Variants in RHBDD1 observed in about 807,000 individuals in gnomAD.
RHBDD1 encodes rhomboid-related protein 4.
Under a neutral mutation model 36.3 loss-of-function variants are expected in RHBDD1, and 38 were observed. The observed-to-expected ratio is 1.05, with a 90% CI of 0.81 to 1.37. The LOEUF is 1.37. Ranked by LOEUF, RHBDD1 falls within the 40% of genes most tolerant of loss-of-function variation. The pLI is 0.00. For missense variants in RHBDD1, 393 were observed against 377.6 expected (o/e 1.04, Z -0.34); for synonymous variants, 151 against 136.5 (o/e 1.11, Z -0.74).
the RHBDD1 span, among the ~76,000 whole-genome samples, chr2:226,817,346 C>T: frequency 1.3e-5 from 2 of 152,280 alleles, no homozygotes; most frequent in South Asian, 2.1e-4. Context: ...CAGTCACAGA[C>T]AGTTGATCTG....
At chr2:226,990,438 G>A (rs1338633581) in intron 8 of RHBDD1, among the ~76,000 whole-genome samples, 4 of 152,150 alleles carry the variant, frequency 2.6e-5, no homozygotes, top group African/African-American at 9.7e-5. Context: ...TAATTTAAGG[G>A]AGAGATACTA....
intron 5 of RHBDD1, among the ~76,000 whole-genome samples, chr2:226,902,575 C>T (rs1024649793): frequency 1.1e-4 from 16 of 152,100 alleles, no homozygotes; most frequent in Non-Finnish European, 2.2e-4. Context: ...TTTTATATTC[C>T]TTTTACATTG....
intron 7 of RHBDD1, among the ~76,000 whole-genome samples, chr2:226,909,551 C>T (rs1189000173): frequency 6.6e-6 from 1 of 152,064 alleles, no homozygotes; most frequent in African/African-American, 2.4e-5. Context: ...TACGTTGAAA[C>T]CCTAACCCCT....
Position 226,914,356 on chromosome 2 carries a change from GA to G in RHBDD1, c.856+6del. 2 of 1,612,620 alleles carry G rather than the reference GA, an allele frequency of 1.2e-6. No homozygotes were observed. The highest frequency in any genetic ancestry group is 1.7e-6 in the Non-Finnish European group (2 of 1,179,210). On this transcript the variant is annotated splice_donor_region_variant and intron_variant, in intron 8 of 8. Coordinates refer to ENST00000392062, the MANE Select transcript of RHBDD1 (RefSeq NM_001167608.3). ...AAGCCAGCCTCTGGGACCGAGGTAGGAGTCTTGCGCCCTTCAGTTATTTTAA... is the reference window on the plus strand; with the variant it reads ...AAGCCAGCCTCTGGGACCGAGGTAGGGTCTTGCGCCCTTCAGTTATTTTAA...
At chr2:226,886,005 A>G (rs960042052) in intron 5 of RHBDD1, among the ~76,000 whole-genome samples, 2 of 152,230 alleles carry the variant, frequency 1.3e-5, no homozygotes, top group Non-Finnish European at 2.9e-5. Context: ...ATTTCATCAC[A>G]GTACTCAGAA....
chr2:226,934,533 C>T (rs896169387), intron 8 of RHBDD1, among the ~76,000 whole-genome samples: 2 of 152,012 alleles, frequency 1.3e-5, no homozygotes, highest in African/African-American at 4.8e-5. Context: ...CATAATAGTA[C>T]CTGGCCATAA....
At chr2:226,810,666 G>C in the RHBDD1 span, among the ~76,000 whole-genome samples, 1 of 151,100 alleles carries the variant, frequency 6.6e-6, no homozygotes, top group African/African-American at 2.4e-5. Flanking sequence ...TTTCCAGATT[G>C]AGTAGGCTAA....
At chr2:226,961,704 G>T (rs1952215126) in intron 8 of RHBDD1, among the ~76,000 whole-genome samples, 2 of 152,146 alleles carry the variant, frequency 1.3e-5, no homozygotes, top group South Asian at 4.1e-4. Flanking sequence ...TTTTAGGAAT[G>T]CTCAGTTGTC....
At chr2:226,853,962 C>A (rs1345125705) in intron 3 of RHBDD1, among the ~76,000 whole-genome samples, 1 of 148,178 alleles carries the variant, frequency 6.7e-6, no homozygotes, top group Non-Finnish European at 1.5e-5. Context: ...ACCCGCTAAT[C>A]GATAAGGTGG....
intron 8 of RHBDD1, among the ~76,000 whole-genome samples, chr2:226,968,335 G>T (rs1371180675): frequency 6.6e-6 from 1 of 152,198 alleles, no homozygotes; most frequent in East Asian, 1.9e-4. Flanking sequence ...TCCAAAATCT[G>T]TAGGGCAGGC....
At chr2:226,966,764 C>G (rs1340256432) in intron 8 of RHBDD1, among the ~76,000 whole-genome samples, 3 of 152,084 alleles carry the variant, frequency 2.0e-5, no homozygotes, top group African/African-American at 7.3e-5. Flanking sequence ...CTCCTGGACT[C>G]AAGCAATCCT....
At chr2:226,806,961 C>T in the RHBDD1 span, among the ~76,000 whole-genome samples, 1 of 152,170 alleles carries the variant, frequency 6.6e-6, no homozygotes, top group African/African-American at 2.4e-5. Flanking sequence ...TCGAGTTTAC[C>T]TAAGATTATT....
At chr2:226,889,299 A>T (rs1366284453) in intron 5 of RHBDD1, among the ~76,000 whole-genome samples, 6 of 152,216 alleles carry the variant, frequency 3.9e-5, no homozygotes, top group Non-Finnish European at 1.5e-5. Flanking sequence ...TGTGCTCTGC[A>T]TTATTTCAGG....
intron 8 of RHBDD1, among the ~76,000 whole-genome samples, chr2:226,967,373 T>G (rs1952719254): frequency 6.6e-6 from 1 of 152,130 alleles, no homozygotes; most frequent in African/African-American, 2.4e-5. Context: ...AGTTGAGAAT[T>G]CTTTTTTTCT....
At chr2:226,951,411 T>A (rs1951419503) in intron 8 of RHBDD1, among the ~76,000 whole-genome samples, 1 of 152,250 alleles carries the variant, frequency 6.6e-6, no homozygotes, top group Non-Finnish European at 1.5e-5. Flanking sequence ...TTTGTTCTCA[T>A]ACTCATTCCT....
the RHBDD1 span, among the ~76,000 whole-genome samples, chr2:226,829,420 T>C: frequency 6.6e-6 from 1 of 152,200 alleles, no homozygotes; most frequent in African/African-American, 2.4e-5. Context: ...TGCTGAAATT[T>C]TGAGGGATTG....
intron 7 of RHBDD1, among the ~76,000 whole-genome samples, chr2:226,911,570 G>C (rs550256666): frequency 1.4e-5 from 2 of 142,626 alleles, no homozygotes; most frequent in African/African-American, 2.6e-5. Flanking sequence ...TTTTAATAAG[G>C]AATGAAAAGT....
chr2:226,938,257 A>G (rs928315229), intron 8 of RHBDD1, among the ~76,000 whole-genome samples: 1 of 152,060 alleles, frequency 6.6e-6, no homozygotes, highest in Non-Finnish European at 1.5e-5. Context: ...GTGTCTTTTC[A>G]TGTCCTTTGC....
intron 2 of RHBDD1, among the ~76,000 whole-genome samples, chr2:226,838,791 GA>G (rs2124928811): frequency 6.6e-6 from 1 of 152,222 alleles, no homozygotes; most frequent in Admixed American, 6.5e-5. Flanking sequence ...ACAAACACTT[GA>G]AAAAAGTTGA....
Sources: gnomAD v4.1 joint callset for allele counts (sites outside exome capture counted in the v4.1 genomes callset) on GRCh38, gnomAD v4.1.1 for gene constraint, MANE v1.5 for transcripts, NCBI Gene and HGNC (gene_info 2026-07-23, HGNC 2026-07-21) for gene names.